The following PMM2 variants were observed in gnomAD, a reference collection of about 807,000 sequenced individuals.
PMM2 encodes phosphomannomutase 2, also known as mannose-6-phosphate isomerase.
Under a neutral mutation model 33.2 loss-of-function variants are expected in PMM2, and 35 were observed. The observed-to-expected ratio is 1.06, with a 90% CI of 0.81 to 1.40. The LOEUF is 1.40. PMM2 is among the 40% of genes most tolerant of loss of function. The pLI is 0.00. For synonymous variants in PMM2, 153 were observed against 114.7 expected (o/e 1.33, Z -2.13); for missense variants, 386 against 306.0 (o/e 1.26, Z -1.95).
At chr16:8,834,229 T>C (rs1033761018) in intron 7 of PMM2, among the ~76,000 whole-genome samples, 1 of 152,198 alleles carries the variant, frequency 6.6e-6, no homozygotes, top group African/African-American at 2.4e-5. Context: ...TGGTGAGGTG[T>C]GTTTTTAAAA....
chr16:8,826,853 T>C (rs1361853357), intron 7 of PMM2, among the ~76,000 whole-genome samples: 1 of 152,208 alleles, frequency 6.6e-6, no homozygotes, highest in Non-Finnish European at 1.5e-5. Flanking sequence ...ATCTATGCCA[T>C]GCTTGGACTG....
Position 8,827,763 on chromosome 16 carries a change from C to T in PMM2, c.639+14657C>T, listed in dbSNP as rs1246049709. ...ATATATATATATATATATATATATG[C>T]ACACATTTATATATATATATTTATA... On this transcript the variant is annotated intron_variant, in intron 7 of 7. Transcript: ENST00000268261. 1.3e-3 allele frequency among the ~76,000 whole-genome samples: 65 copies of T among 49,198 alleles called. 1 individual carries two copies. Among genetic ancestry groups the T allele is most frequent in the East Asian group, 2.0e-3 (3 of 1,520 alleles). 32.3% of individuals were successfully genotyped at this position (49,198 alleles called of 152,430 possible). A position where few individuals can be genotyped will look rare whatever the true frequency, so the allele number is the denominator to read the frequency against.
chr16:8,822,758 A>G (rs906614448), intron 7 of PMM2, among the ~76,000 whole-genome samples: 1 of 152,180 alleles, frequency 6.6e-6, no homozygotes, highest in African/African-American at 2.4e-5. Context: ...TGTTGACCCA[A>G]AGGTAGGAGG....
Position 8,811,676 on chromosome 16 carries a change from G to T in PMM2, c.486G>T (p.Arg162=), listed in dbSNP as rs928333566. ...GACAAAAGTTTGTAGCAGATCTACG[G>T]AAAGAGTTTGCTGGAAAAGGCCTCA... The part of the protein sequence containing the change: ...NIRQKFVADL[R]KEFAGKGLTF... The change falls in exon 6 of 8, where the codon CGG becomes CGT. Residue 162 remains arginine (R), a synonymous_variant. Coordinates refer to ENST00000268261, the MANE Select transcript of PMM2 (RefSeq NM_000303.3). 6.2e-6 allele frequency: 10 copies of T among 1,613,498 alleles called. No homozygotes were observed. Among genetic ancestry groups the T allele is most frequent in the Non-Finnish European group, 8.5e-6 (10 of 1,179,436 alleles).
At chr16:8,831,124 TGA>T (rs1430479996) in intron 7 of PMM2, among the ~76,000 whole-genome samples, 1 of 151,910 alleles carries the variant, frequency 6.6e-6, no homozygotes, top group Non-Finnish European at 1.5e-5. Flanking sequence ...GGTGACAGAG[TGA>T]GACTCCGTCT....
At chr16:8,847,682 C>T (rs2141051341) in intron 7 of PMM2, 42 bp from the exon 8 acceptor site, 2 of 1,461,688 alleles carry the variant, frequency 1.4e-6, no homozygotes, top group South Asian at 1.1e-5. Flanking sequence ...TGGCCCGGGA[C>T]AGACGAGGGG....
Position 8,820,091 on chromosome 16 carries a change from G to A in PMM2, c.639+6985G>A, listed in dbSNP as rs146670946. Among the ~76,000 whole-genome samples the A allele has an allele frequency of 9.2e-5, 14 of 152,354 alleles. No individual in the cohort carries two copies. The East Asian group carries it at 2.7e-3, about 29-fold the overall frequency. On this transcript the variant is annotated intron_variant, in intron 7 of 7. Coordinates refer to ENST00000268261, the MANE Select transcript of PMM2 (RefSeq NM_000303.3). ...CGCATGCCTGGATCCCAGCTACTCA[G>A]GAGGCTGAGGCAGGAGAAGCGCTTG...
At chr16:8,799,621 C>G (rs958942683) in intron 1 of PMM2, among the ~76,000 whole-genome samples, 1 of 151,844 alleles carries the variant, frequency 6.6e-6, no homozygotes, top group Non-Finnish European at 1.5e-5. Flanking sequence ...AATCTCAGTT[C>G]ACTGCAACCT....
chr16:8,842,802 T>A (rs1011603587), intron 7 of PMM2, among the ~76,000 whole-genome samples: 1 of 152,192 alleles, frequency 6.6e-6, no homozygotes, highest in African/African-American at 2.4e-5. Context: ...ATAACAGGCT[T>A]TAATCCTTTT....
intron 7 of PMM2, among the ~76,000 whole-genome samples, chr16:8,842,738 G>A (rs964307851): frequency 1.3e-5 from 2 of 152,152 alleles, no homozygotes; most frequent in African/African-American, 4.8e-5. Flanking sequence ...TAAAATGGGG[G>A]GATTATAAGA....
chr16:8,825,036 T>G (rs1392643933), intron 7 of PMM2, among the ~76,000 whole-genome samples: 1 of 152,224 alleles, frequency 6.6e-6, no homozygotes, highest in Admixed American at 6.5e-5. Flanking sequence ...TAGTTTTGTT[T>G]TTGTTGTTGT....
chr16:8,811,049 G>A, intron 4 of PMM2, 30 bp from the exon 5 acceptor site: 1 of 1,333,234 alleles, frequency 7.5e-7, no homozygotes, highest in Non-Finnish European at 1.1e-6. Flanking sequence ...ACGTGTTTTT[G>A]GAGAAACTCT....
intron 7 of PMM2, among the ~76,000 whole-genome samples, chr16:8,830,513 CAT>C (rs1296988033): frequency 6.6e-6 from 1 of 151,940 alleles, no homozygotes; most frequent in Non-Finnish European, 1.5e-5. Context: ...GAGATGAAAT[CAT>C]AGGGGGTAGA....
At position 8,812,904 on chromosome 16, in the gene PMM2, A is replaced by G. The variant is rs1450022645; in HGVS notation, c.524-87A>G. 7 of 825,864 alleles carry G rather than the reference A, an allele frequency of 8.5e-6. No homozygotes were observed. In the Admixed American group the frequency reaches 1.2e-4, roughly 14 times the overall value. The allele number at this position is 825,864 out of a possible 1,614,324, so 51.2% of individuals were successfully genotyped here. On this transcript the variant is annotated intron_variant, in intron 6 of 7. Coordinates refer to ENST00000268261, the MANE Select transcript of PMM2 (RefSeq NM_000303.3). ...ATCAACCTTGGCAACCCACTAACTG[A>G]CAAAAGAGTAAATTGTTTTTTTCAG...
intron 7 of PMM2, among the ~76,000 whole-genome samples, chr16:8,827,748 A>ATATATATGCACACATT (rs1555451064): frequency 8.2e-5 from 4 of 48,936 alleles, no homozygotes; most frequent in African/African-American, 2.7e-4. Context: ...ATATATATAT[A>ATATATATGCACACATT]TATATATATA....
intron 7 of PMM2, among the ~76,000 whole-genome samples, chr16:8,815,433 A>C (rs6498107): frequency 1.3e-5 from 2 of 152,038 alleles, no homozygotes; most frequent in African/African-American, 2.4e-5. Flanking sequence ...GTTTTGCCAC[A>C]TTGGCCAGGC....
chr16:8,847,596 G>T, intron 7 of PMM2, 128 bp from the exon 8 acceptor site: 1 of 727,014 alleles, frequency 1.4e-6, no homozygotes, highest in Admixed American at 1.9e-5. Flanking sequence ...TAAGAGGAAG[G>T]TAGCTGAAGA....
At chr16:8,813,505 C>T (rs2060689600) in intron 7 of PMM2, among the ~76,000 whole-genome samples, 1 of 152,098 alleles carries the variant, frequency 6.6e-6, no homozygotes, top group Admixed American at 6.6e-5. Context: ...CACGAGGGGC[C>T]ATGAACGATG....
At chr16:8,801,522 T>A (rs1359206452) in intron 1 of PMM2, among the ~76,000 whole-genome samples, 1 of 152,090 alleles carries the variant, frequency 6.6e-6, no homozygotes, top group Non-Finnish European at 1.5e-5. Flanking sequence ...TATAAAAAAA[T>A]TAGCCAGGTG....
Sources: gnomAD v4.1 joint callset for allele counts (sites outside exome capture counted in the v4.1 genomes callset) on GRCh38, gnomAD v4.1.1 for gene constraint, MANE v1.5 for transcripts, NCBI Gene and HGNC (gene_info 2026-07-23, HGNC 2026-07-21) for gene names.